The following NXN variants were observed in gnomAD, a reference collection of about 807,000 sequenced individuals.
The protein encoded by NXN is nucleoredoxin 1.
NXN carries 16 observed loss-of-function variants against 48.6 expected under a neutral mutation model. The ratio of observed to expected loss-of-function variants is 0.33; its 90% CI spans 0.22 to 0.50. NXN has a LOEUF of 0.50. NXN is among the 20% of genes least tolerant of loss of function. The pLI is 0.98. For synonymous variants in NXN, 281 were observed against 269.6 expected (o/e 1.04, Z -0.41); for missense variants, 492 against 605.5 (o/e 0.81, Z 1.97).
intron 5 of NXN, 150 bp downstream of exon 5, chr17:819,289 G>A: frequency 1.1e-5 from 8 of 699,512 alleles, no homozygotes; most frequent in Non-Finnish European, 2.0e-5. Flanking sequence ...TTCACACCAT[G>A]AAAATTCTAC....
At chr17:957,660 C>T (rs141576573) in intron 1 of NXN, among the ~76,000 whole-genome samples, 55 of 151,954 alleles carry the variant, frequency 3.6e-4, no homozygotes, top group African/African-American at 1.0e-3. Flanking sequence ...TTCTGCAACC[C>T]GGCCCAGCAG....
chr17:812,861 GGT>G (rs68154102), intron 5 of NXN, among the ~76,000 whole-genome samples: 42,437 of 148,500 alleles, frequency 0.29, 6,226 homozygotes, highest in East Asian at 0.49. Context: ...CATGTGTGTA[GGT>G]GTGTGTGGGT....
rs1193766750 is a variant in NXN at position 811,841 on chromosome 17, GC to G, written c.821-6595del. On this transcript the variant is annotated intron_variant, in intron 5 of 7. Transcript: ENST00000336868. ...TCAACGCACTGGCAGCATTTGGCAG[GC>G]CCCCTTCACTCGGCAGGGTGATTCT... is the stretch of plus-strand genomic sequence containing the variant. Among the ~76,000 whole-genome samples, 4 of 151,464 alleles carry G rather than the reference GC, an allele frequency of 2.6e-5. 1 individual carries two copies. The highest frequency in any genetic ancestry group is 1.3e-4 in the Admixed American group (2 of 15,202).
At chr17:824,900 A>G (rs1364004225) in intron 2 of NXN, among the ~76,000 whole-genome samples, 1 of 152,184 alleles carries the variant, frequency 6.6e-6, no homozygotes, top group African/African-American at 2.4e-5. Context: ...CCCCGGAAAC[A>G]AGAGGGATCC....
chr17:976,986 G>C (rs1045673397), intron 1 of NXN, among the ~76,000 whole-genome samples: 1 of 152,080 alleles, frequency 6.6e-6, no homozygotes, highest in African/African-American at 2.4e-5. Context: ...GGCTGGTCTG[G>C]AACTCCCGAC....
At chr17:822,235 C>T (rs1912856503) in intron 4 of NXN, 122 bp downstream of exon 4, 1 of 651,166 alleles carries the variant, frequency 1.5e-6, no homozygotes, top group Non-Finnish European at 2.7e-6. Flanking sequence ...GCTGAGATCA[C>T]ACCACTGCAC....
intron 5 of NXN, among the ~76,000 whole-genome samples, chr17:810,384 T>C (rs564504607): frequency 2.0e-4 from 31 of 152,224 alleles, no homozygotes; most frequent in African/African-American, 7.5e-4. Flanking sequence ...GAGGCAGGAA[T>C]GTGGGTGGGA....
At chr17:893,041 T>A (rs897173477) in intron 1 of NXN, among the ~76,000 whole-genome samples, 1 of 152,256 alleles carries the variant, frequency 6.6e-6, no homozygotes, top group African/African-American at 2.4e-5. Context: ...AACTGTTCTA[T>A]GAAACAAAGT....
chr17:855,423 C>T (rs1337759189), intron 1 of NXN, among the ~76,000 whole-genome samples: 1 of 152,198 alleles, frequency 6.6e-6, no homozygotes, highest in Non-Finnish European at 1.5e-5. Flanking sequence ...GTTTTCCACC[C>T]AATCCAAGAT....
chr17:895,779 C>A lies in NXN; in HGVS notation c.361-69701G>T, dbSNP rs538623465. Reference sequence around the variant, plus strand: ...CTTGCAGTGAGCCGAGATCGCACCACTGCACTCCAGCCTGGGTTTTGTTTG... The same window carrying A: ...CTTGCAGTGAGCCGAGATCGCACCAATGCACTCCAGCCTGGGTTTTGTTTG... On this transcript the variant is annotated intron_variant, in intron 1 of 7. Coordinates refer to ENST00000336868, the MANE Select transcript of NXN (RefSeq NM_022463.5). 8.8e-5 allele frequency among the ~76,000 whole-genome samples: 4 copies of A among 45,276 alleles called. 1 individual carries two copies. The African/African-American group carries it at 1.2e-3, about 14-fold the overall frequency. The allele number at this position is 45,276 out of a possible 152,430, so 29.7% of individuals were successfully genotyped here. A position where few individuals can be genotyped will look rare whatever the true frequency, so the allele number is the denominator to read the frequency against.
At chr17:896,050 A>G (rs2068480761) in intron 1 of NXN, among the ~76,000 whole-genome samples, 1 of 152,002 alleles carries the variant, frequency 6.6e-6, no homozygotes, top group South Asian at 2.1e-4. Context: ...CTACAAAAAA[A>G]TTAAATAGGC....
chr17:939,161 A>G (rs2068941594), intron 1 of NXN, among the ~76,000 whole-genome samples: 1 of 152,208 alleles, frequency 6.6e-6, no homozygotes, highest in South Asian at 2.1e-4. Flanking sequence ...TCCTTAGAGA[A>G]CCACCAAAGA....
At chr17:871,514 C>T (rs2068154746) in intron 1 of NXN, among the ~76,000 whole-genome samples, 1 of 150,060 alleles carries the variant, frequency 6.7e-6, no homozygotes, top group Non-Finnish European at 1.5e-5. Flanking sequence ...AAATGATTCT[C>T]CTGCCTCAGC....
intron 1 of NXN, among the ~76,000 whole-genome samples, chr17:967,840 C>T (rs536897140): frequency 3.3e-5 from 5 of 152,086 alleles, no homozygotes; most frequent in African/African-American, 9.6e-5. Flanking sequence ...GGCATGGTGG[C>T]GGGCACCTGT....
chr17:973,528 G>C (rs1207226159), intron 1 of NXN, among the ~76,000 whole-genome samples: 1 of 152,158 alleles, frequency 6.6e-6, no homozygotes, highest in Non-Finnish European at 1.5e-5. Flanking sequence ...AGGCTTCGTC[G>C]ATCAGCAGCA....
chr17:811,285 T>C (rs1008298660), intron 5 of NXN, among the ~76,000 whole-genome samples: 18 of 152,136 alleles, frequency 1.2e-4, no homozygotes, highest in African/African-American at 4.3e-4. Flanking sequence ...TCCCTGAAGG[T>C]TGGGCCACGG....
Position 803,822 on chromosome 17 carries a change from G to A in NXN, c.1001-16C>T, listed in dbSNP as rs75719274. 6.0e-3 allele frequency: 9,705 copies of A among 1,613,784 alleles called. 452 individuals are homozygous for A. In the African/African-American group the frequency reaches 0.11, roughly 18 times the overall value. ...TCCTCAGAATCTGTGATTGGGTCGG[G>A]GGTAGAAAAAGACGGGGAGAAAAAG... On this transcript the variant is annotated splice_polypyrimidine_tract_variant and intron_variant, in intron 6 of 7. Coordinates refer to ENST00000336868, the MANE Select transcript of NXN (RefSeq NM_022463.5).
chr17:922,842 G>C (rs994359783), intron 1 of NXN, among the ~76,000 whole-genome samples: 2 of 151,820 alleles, frequency 1.3e-5, no homozygotes, highest in Admixed American at 6.6e-5. Context: ...TAGTAGAGAC[G>C]GGGTTTCACC....
At chr17:925,488 A>T (rs533874869) in intron 1 of NXN, among the ~76,000 whole-genome samples, 1 of 152,210 alleles carries the variant, frequency 6.6e-6, no homozygotes, top group Non-Finnish European at 1.5e-5. Flanking sequence ...TCCCGGGTTC[A>T]AGCGATTCTC....
Sources: gnomAD v4.1 joint callset for allele counts (sites outside exome capture counted in the v4.1 genomes callset) on GRCh38, gnomAD v4.1.1 for gene constraint, MANE v1.5 for transcripts, NCBI Gene and HGNC (gene_info 2026-07-23, HGNC 2026-07-21) for gene names.